LPGAT1: variants seen among roughly 807,000 people sequenced by gnomAD.
LPGAT1 encodes the protein acyl-CoA:lysophosphatidylglycerol acyltransferase 1.
LPGAT1 carries 11 observed loss-of-function variants against 47.5 expected under a neutral mutation model. The ratio of observed to expected loss-of-function variants is 0.23; its 90% CI spans 0.15 to 0.38. The LOEUF (loss-of-function observed/expected upper bound fraction) is 0.38. Ranked by LOEUF, LPGAT1 falls within the 10% of genes least tolerant of loss-of-function variation. The pLI, the probability that LPGAT1 is intolerant of heterozygous loss-of-function variation, is 1.00. For synonymous variants in LPGAT1, 138 were observed against 144.2 expected (o/e 0.96, Z 0.31); for missense variants, 293 against 439.0 (o/e 0.67, Z 2.97).
intron 2 of LPGAT1, among the ~76,000 whole-genome samples, chr1:211,814,042 A>G (rs1434832575): frequency 6.6e-6 from 1 of 152,232 alleles, no homozygotes; most frequent in Non-Finnish European, 1.5e-5. Context: ...TTTAGAATTG[A>G]GTGAAAATAT....
chr1:211,816,579 T>C (rs143099339), intron 2 of LPGAT1, among the ~76,000 whole-genome samples: 104 of 152,336 alleles, frequency 6.8e-4, no homozygotes, highest in African/African-American at 2.4e-3. Context: ...GATATATTTC[T>C]AAGACTACCT....
intron 2 of LPGAT1, among the ~76,000 whole-genome samples, chr1:211,825,185 CTTCT>C (rs1571773214): frequency 3.2e-5 from 3 of 93,884 alleles, no homozygotes; most frequent in Admixed American, 1.3e-4. Context: ...CATGCACAGT[CTTCT>C]TTTTTTTTTT....
intron 6 of LPGAT1, among the ~76,000 whole-genome samples, chr1:211,771,896 C>A (rs1658189025): frequency 6.6e-6 from 1 of 152,170 alleles, no homozygotes; most frequent in South Asian, 2.1e-4. Flanking sequence ...GGGTACCCTA[C>A]TTGAAGACAT....
At chr1:211,756,129 G>A (rs1037817090) in intron 6 of LPGAT1, among the ~76,000 whole-genome samples, 3 of 152,104 alleles carry the variant, frequency 2.0e-5, no homozygotes, top group Non-Finnish European at 4.4e-5. Context: ...CCAGCTACCC[G>A]GGAGGCTGAG....
intron 4 of LPGAT1, among the ~76,000 whole-genome samples, chr1:211,785,090 A>C (rs1041207258): frequency 2.6e-5 from 4 of 152,154 alleles, no homozygotes; most frequent in Non-Finnish European, 5.9e-5. Context: ...GGCGTGAGCC[A>C]CTGCGCCCAG....
chr1:211,789,824 T>C (rs1250026248), intron 3 of LPGAT1, among the ~76,000 whole-genome samples: 1 of 145,504 alleles, frequency 6.9e-6, no homozygotes, highest in African/African-American at 2.5e-5. Flanking sequence ...TGAGCTGAAA[T>C]GGCACCACTG....
intron 2 of LPGAT1, among the ~76,000 whole-genome samples, chr1:211,795,558 G>T (rs1347348121): frequency 1.3e-5 from 2 of 152,134 alleles, no homozygotes; most frequent in African/African-American, 4.8e-5. Context: ...GTAGAGACGG[G>T]GTTTCTCCAT....
At position 211,793,152 on chromosome 1, in the gene LPGAT1, C is replaced by A. The variant is rs993537011; in HGVS notation, c.277G>T (p.Asp93Tyr). ...WGEDIKAVSK[D>Y]EAVMLVNHQA... ...TGATTCACCAACATCACTGCTTCAT[C>A]TTTTGAAACTGCTTTAATATCTTCT... is the stretch of plus-strand genomic sequence containing the variant. The change falls in exon 3 of 8, where the codon GAT (aspartate) becomes TAT (tyrosine). Residue 93 changes from aspartate (D) to tyrosine (Y), a missense_variant. Physicochemically the swap from Asp to Tyr is radical, Grantham distance 160 (BLOSUM62 -3). Coordinates refer to ENST00000366997, the MANE Select transcript of LPGAT1 (RefSeq NM_014873.3). 6.2e-7 allele frequency: 1 copy of A among 1,611,396 alleles called. No homozygotes were observed. Among genetic ancestry groups the A allele is most frequent in the African/African-American group, 1.3e-5 (1 of 74,744 alleles).
At chr1:211,829,593 T>C (rs1660654795) in intron 1 of LPGAT1, 1 of 1,237,558 alleles carries the variant, frequency 8.1e-7, no homozygotes, top group Admixed American at 3.8e-5. Flanking sequence ...CATTCAGTAA[T>C]CGGTGGCCGT....
intron 2 of LPGAT1, among the ~76,000 whole-genome samples, chr1:211,820,666 G>A (rs768198943): frequency 1.3e-5 from 2 of 151,724 alleles, no homozygotes; most frequent in Non-Finnish European, 2.9e-5. Flanking sequence ...AATGAAAAAC[G>A]GTTTAAAAGG....
chr1:211,830,167 C>G lies in LPGAT1; in HGVS notation c.-28+406G>C, dbSNP rs1032224235. The stretch of plus-strand genomic sequence containing the variant: ...AAGGGTCGTGGCGGCGGGCGCGGCC[C>G]GCGCGCCGGGCTCACCTCGGCGGGC... On this transcript the variant is annotated intron_variant, in intron 1 of 7. Transcript: ENST00000366997. The surrounding 1 kb of genome is among the most constrained non-coding windows in gnomAD (Gnocchi z 5.9). The G allele has an allele frequency of 1.5e-5, 15 of 982,746 alleles. No homozygotes were observed. In the African/African-American group the frequency reaches 1.8e-4, roughly 12 times the overall value. 60.9% of individuals were successfully genotyped at this position (982,746 alleles called of 1,614,324 possible).
At chr1:211,819,890 CAG>C (rs147512994) in intron 2 of LPGAT1, among the ~76,000 whole-genome samples, 3,541 of 152,022 alleles carry the variant, frequency 0.023, 145 homozygotes, top group African/African-American at 0.08. Context: ...GAGGCTGAGG[CAG>C]AGAATCGCTT....
intron 5 of LPGAT1, among the ~76,000 whole-genome samples, chr1:211,781,522 G>T (rs540355871): frequency 6.6e-5 from 10 of 152,116 alleles, no homozygotes; most frequent in Non-Finnish European, 1.3e-4. Context: ...CTTTTTAATA[G>T]ATGATGAAAG....
intron 6 of LPGAT1, among the ~76,000 whole-genome samples, chr1:211,764,631 T>C (rs543685344): frequency 1.4e-4 from 22 of 152,276 alleles, no homozygotes; most frequent in African/African-American, 5.1e-4. Context: ...CATACTAAAA[T>C]GTAATATTTA....
chr1:211,792,902 G>A (rs976924933), intron 3 of LPGAT1, among the ~76,000 whole-genome samples, 170 bp downstream of exon 3: 1 of 151,888 alleles, frequency 6.6e-6, no homozygotes, highest in Admixed American at 6.6e-5. Flanking sequence ...AGTAGAGATG[G>A]GGTTTCACCC....
chr1:211,830,641 CG>C lies in LPGAT1; in HGVS notation c.-97del. ...AGCCGGAAGAATGCATGGCCGGCGGCGGGGCCGGCGGAAGAAGGCGGTGGCG... is the reference window on the plus strand; with the variant it reads ...AGCCGGAAGAATGCATGGCCGGCGGCGGGCCGGCGGAAGAAGGCGGTGGCG... On this transcript the variant is annotated 5_prime_UTR_variant, in exon 1 of 8. Transcript: ENST00000366997. This position sits in a 1 kb window ranked among gnomAD's most constrained non-coding sequence, Gnocchi z 5.9. 1 of 1,202,106 alleles carries C rather than the reference CG, an allele frequency of 8.3e-7. No homozygotes were observed. 74.5% of individuals were successfully genotyped at this position (1,202,106 alleles called of 1,614,324 possible).
chr1:211,760,395 C>T lies in LPGAT1; in HGVS notation c.855-9328G>A, dbSNP rs61828460. Among the ~76,000 whole-genome samples, 825 of 152,292 alleles carry T rather than the reference C, an allele frequency of 5.4e-3. 4 individuals are homozygous for T. Among genetic ancestry groups the T allele is most frequent in the Non-Finnish European group, 9.0e-3 (610 of 68,028 alleles). The stretch of plus-strand genomic sequence containing the variant: ...ACTTGAACCTGGGAGGCAGAGGTTG[C>T]GGTGAGCCGAGATTGCATCACTGCA... On this transcript the variant is annotated intron_variant, in intron 6 of 7. Coordinates refer to ENST00000366997, the MANE Select transcript of LPGAT1 (RefSeq NM_014873.3).
At chr1:211,753,488 G>T (rs551971515) in intron 6 of LPGAT1, among the ~76,000 whole-genome samples, 1 of 151,722 alleles carries the variant, frequency 6.6e-6, no homozygotes, top group Non-Finnish European at 1.5e-5. Flanking sequence ...TTTTATAAAT[G>T]AATAAATTGC....
intron 6 of LPGAT1, among the ~76,000 whole-genome samples, chr1:211,774,518 C>G (rs893027420): frequency 3.3e-5 from 5 of 152,116 alleles, no homozygotes; most frequent in Non-Finnish European, 5.9e-5. Context: ...AGCAAAGTTG[C>G]CTGGGCACTT....
Sources: gnomAD v4.1 joint callset for allele counts (sites outside exome capture counted in the v4.1 genomes callset) on GRCh38, gnomAD v4.1.1 for gene constraint, Gnocchi (gnomAD v3.1) non-coding constraint, MANE v1.5 for transcripts, NCBI Gene and HGNC (gene_info 2026-07-23, HGNC 2026-07-21) for gene names.